The following RBL1 variants were observed in gnomAD, a reference collection of about 807,000 sequenced individuals.
RBL1 encodes the protein retinoblastoma-like protein 1.
In RBL1, 82 loss-of-function variants were observed where a neutral mutation model predicts 123.0. The ratio of observed to expected loss-of-function variants is 0.67; its 90% CI spans 0.56 to 0.80. The LOEUF (loss-of-function observed/expected upper bound fraction) is 0.80, where lower values mean the gene tolerates loss of function less well. Ranked by LOEUF, RBL1 falls within the 30% of genes least tolerant of loss-of-function variation. The pLI, the probability that RBL1 is intolerant of heterozygous loss-of-function variation, is 0.00. For synonymous variants in RBL1, 405 were observed against 441.3 expected, an observed-to-expected ratio of 0.92 and a Z score of 1.03; for missense variants, 1,171 against 1,299.6, an observed-to-expected ratio of 0.90 and a Z score of 1.52.
intron 2 of RBL1, among the ~76,000 whole-genome samples, chr20:37,074,757 G>A (rs757217945): frequency 1.6e-4 from 24 of 149,828 alleles, no homozygotes; most frequent in Admixed American, 4.6e-4. Context: ...CCTGGGAGGC[G>A]CAGGTTGCAG....
chr20:36,999,510 CCT>C (rs1189451296), intron 21 of RBL1, among the ~76,000 whole-genome samples: 1 of 149,964 alleles, frequency 6.7e-6, no homozygotes, highest in South Asian at 2.1e-4. Context: ...TCTCCCTCTC[CCT>C]CTCTTTCCAC....
chr20:37,050,194 A>G (rs2064885887), intron 11 of RBL1, among the ~76,000 whole-genome samples: 1 of 152,170 alleles, frequency 6.6e-6, no homozygotes, highest in Non-Finnish European at 1.5e-5. Flanking sequence ...AAATGAAAAT[A>G]TAGCTGAAAT....
chr20:36,998,948 C>T lies in RBL1; in HGVS notation c.3037-19G>A, dbSNP rs746237414. The T allele has an allele frequency of 2.2e-5, 35 of 1,600,084 alleles. No homozygotes were observed. In the African/African-American group the frequency reaches 3.5e-4, roughly 16 times the overall value. On this transcript the variant is annotated intron_variant, in intron 21 of 21. Coordinates refer to ENST00000373664, the MANE Select transcript of RBL1 (RefSeq NM_002895.5). ...TCAAACTCTGTGCAGAAATAGAGAA[C>T]GTGTGTGAGTAAAAGAGGGAGAGGG...
intron 20 of RBL1, among the ~76,000 whole-genome samples, chr20:37,004,524 C>A (rs189739168): frequency 6.6e-6 from 1 of 150,468 alleles, no homozygotes; most frequent in Non-Finnish European, 1.5e-5. Context: ...ACCAGCCTGG[C>A]CAACATGGTG....
intron 3 of RBL1, 103 bp from the exon 4 acceptor site, chr20:37,067,400 AT>A: frequency 1.1e-6 from 1 of 895,618 alleles, no homozygotes; most frequent in Non-Finnish European, 1.7e-6. Context: ...TACACATGAA[AT>A]TCCATTCATG....
chr20:37,019,909 G>A (rs2064312996), intron 18 of RBL1, among the ~76,000 whole-genome samples: 1 of 151,884 alleles, frequency 6.6e-6, no homozygotes, highest in African/African-American at 2.4e-5. Context: ...TTTTCACCAC[G>A]GTCAGAACAA....
intron 11 of RBL1, among the ~76,000 whole-genome samples, chr20:37,054,838 A>G (rs187650999): frequency 8.1e-4 from 123 of 152,314 alleles, no homozygotes; most frequent in African/African-American, 2.9e-3. Flanking sequence ...TAAAAAAAAA[A>G]AAATTTACTT....
intron 19 of RBL1, among the ~76,000 whole-genome samples, chr20:37,016,242 G>T (rs1448286938): frequency 4.6e-5 from 7 of 151,838 alleles, no homozygotes; most frequent in Non-Finnish European, 1.0e-4. Context: ...TGGCCAGGCT[G>T]GTCTCGAACT....
intron 19 of RBL1, among the ~76,000 whole-genome samples, chr20:37,013,069 C>G (rs1306632606): frequency 6.6e-6 from 1 of 152,150 alleles, no homozygotes; most frequent in Non-Finnish European, 1.5e-5. Context: ...GCCCGGCCAC[C>G]ACCCCGTCTG....
Position 37,056,126 on chromosome 20 carries a change from C to T in RBL1, c.1363+20G>A. On this transcript the variant is annotated intron_variant, in intron 10 of 21. Transcript: ENST00000373664. ...TTACTTATTTTCAATGCTATGCCAA[C>T]TGTAGTTTTCTTTTCTTACCTATGT... The T allele has an allele frequency of 6.3e-7, 1 of 1,596,774 alleles. No individual in the cohort carries two copies. The highest frequency in any genetic ancestry group is 2.2e-5 in the East Asian group (1 of 44,726).
At chr20:37,057,240 T>C (rs561716551) in intron 9 of RBL1, among the ~76,000 whole-genome samples, 5 of 152,362 alleles carry the variant, frequency 3.3e-5, no homozygotes, top group African/African-American at 1.2e-4. Flanking sequence ...CTGAGTTATA[T>C]GGTAGTTCTA....
At chr20:37,065,172 A>G (rs1210983764) in intron 7 of RBL1, among the ~76,000 whole-genome samples, 3 of 152,092 alleles carry the variant, frequency 2.0e-5, no homozygotes, top group African/African-American at 7.2e-5. Flanking sequence ...AGCTCAAGCA[A>G]TCTGCCTGCC....
intron 16 of RBL1, among the ~76,000 whole-genome samples, chr20:37,024,521 T>A (rs1407398478): frequency 6.6e-6 from 1 of 152,184 alleles, no homozygotes; most frequent in African/African-American, 2.4e-5. Flanking sequence ...GTAAATTCTA[T>A]TTAGGCATAG....
intron 16 of RBL1, among the ~76,000 whole-genome samples, chr20:37,028,513 A>G (rs1404705516): frequency 6.6e-6 from 1 of 152,122 alleles, no homozygotes; most frequent in African/African-American, 2.4e-5. Flanking sequence ...TGGGTAACAG[A>G]GCAAGACCTT....
intron 16 of RBL1, among the ~76,000 whole-genome samples, chr20:37,030,043 C>CT (rs2064481945): frequency 6.6e-6 from 1 of 152,190 alleles, no homozygotes; most frequent in Non-Finnish European, 1.5e-5. Flanking sequence ...AATGCAATCT[C>CT]TGTCAAAATT....
chr20:37,082,124 AG>A, intron 2 of RBL1: 1 of 398,924 alleles, frequency 2.5e-6, no homozygotes, highest in South Asian at 1.8e-5. Flanking sequence ...GGGACAACGC[AG>A]GGGCCTAGGG....
chr20:37,051,269 C>T (rs1287646133), intron 11 of RBL1, among the ~76,000 whole-genome samples: 1 of 152,034 alleles, frequency 6.6e-6, no homozygotes, highest in Non-Finnish European at 1.5e-5. Context: ...GCAACCTCTG[C>T]CTCCTGGGTT....
intron 2 of RBL1, among the ~76,000 whole-genome samples, chr20:37,070,256 A>G (rs1029085492): frequency 6.6e-6 from 1 of 152,190 alleles, no homozygotes. Context: ...TTTGTTAAAC[A>G]GATGCTTGAA....
At chr20:37,010,171 AAC>A (rs2064129508) in intron 19 of RBL1, among the ~76,000 whole-genome samples, 1 of 152,072 alleles carries the variant, frequency 6.6e-6, no homozygotes, top group Non-Finnish European at 1.5e-5. Context: ...CAGTCTGGGC[AAC>A]ACAGTGAGAC....
Sources: allele counts gnomAD v4.1 joint callset (sites outside exome capture counted in the v4.1 genomes callset), GRCh38; gene constraint gnomAD v4.1.1; transcripts MANE v1.5; gene names NCBI Gene and HGNC (gene_info 2026-07-23, HGNC 2026-07-21).